The following FAM53C variants were observed in gnomAD, a reference collection of about 807,000 sequenced individuals.
The protein encoded by FAM53C is protein FAM53C.
A neutral mutation model predicts 34.7 loss-of-function variants in FAM53C; 10 were observed. The ratio of observed to expected loss-of-function variants is 0.29; its 90% confidence interval spans 0.18 to 0.49. FAM53C has a LOEUF of 0.49. Ranked by LOEUF, FAM53C falls within the 20% of genes least tolerant of loss-of-function variation. The pLI, the probability that FAM53C is intolerant of heterozygous loss-of-function variation, is 0.99. For missense variants in FAM53C, 442 were observed against 515.3 expected (o/e 0.86, Z 1.38); for synonymous variants, 203 against 203.6 (o/e 1.00, Z 0.03).
chr5:138,337,853 G>A (rs1207166300), upstream of FAM53C: 5 of 730,208 alleles, frequency 6.8e-6, no homozygotes, highest in Admixed American at 1.5e-4. Flanking sequence ...AGCAGAGCAG[G>A]TGAGGGGCAC....
Position 138,346,989 on chromosome 5 carries a change from A to C in FAM53C, c.*30A>C. The C allele has an allele frequency of 6.2e-7, 1 of 1,613,082 alleles. No homozygotes were observed. Among genetic ancestry groups the C allele is most frequent in the Non-Finnish European group, 8.5e-7 (1 of 1,179,678 alleles). ...GAGAGGCTACTTCCTGGGGCCACAC[A>C]GACTGACTCTCTCATGGCTACTAAC... On this transcript the variant is annotated 3_prime_UTR_variant, in exon 5 of 5. Transcript: ENST00000239906.
At chr5:138,338,430 T>C (rs1024710564) in intron 1 of FAM53C, 123 bp downstream of exon 1, 32 of 341,460 alleles carry the variant, frequency 9.4e-5, no homozygotes, top group South Asian at 6.9e-4. Flanking sequence ...GCTGGCCGCC[T>C]CTGCGGGGAG....
chr5:138,341,876 C>T lies in FAM53C; in HGVS notation c.136+10C>T. ...TTCCAGCTTGTGTCTGGTAAGGCAT[C>T]GTGTGTGTTTGTGTACGTGTGTGTA... On this transcript the variant is annotated intron_variant, in intron 3 of 4. Transcript: ENST00000239906. 1.9e-6 allele frequency: 3 copies of T among 1,613,744 alleles called. No homozygotes were observed. The highest frequency in any genetic ancestry group is 1.1e-5 in the South Asian group (1 of 91,066).
Position 138,345,528 on chromosome 5 carries a change from C to T in FAM53C, c.840C>T (p.Ala280=). 1 of 1,614,024 alleles carries T rather than the reference C, an allele frequency of 6.2e-7. No homozygotes were observed. The highest frequency in any genetic ancestry group is 8.5e-7 in the Non-Finnish European group (1 of 1,180,026). The change falls in exon 4 of 5, where the codon GCC becomes GCT. Residue 280 remains alanine (A), a synonymous_variant. Transcript: ENST00000239906. This position sits in a 1 kb window ranked among gnomAD's most constrained non-coding sequence, Gnocchi z 6.3. ...RSRSQPCDLD[A]RKTGVKRRHE... ...GCTCACAGCCTTGTGATCTGGATGC[C>T]CGCAAAACTGGGGTCAAGCGGCGCC...
rs1580853837 is a variant in FAM53C, at chr5:138,341,350, C to G, written c.15C>G (p.Ile5Met). The G allele has an allele frequency of 6.2e-7, 1 of 1,614,016 alleles. No individual in the cohort carries two copies. Among genetic ancestry groups the G allele is most frequent in the Non-Finnish European group, 8.5e-7 (1 of 1,179,886 alleles). Residue 5 changes from isoleucine to methionine, a missense_variant, in exon 2 of 5, where the codon ATC (isoleucine) becomes ATG (methionine). By Grantham distance (10) the Ile-to-Met change is conservative. Coordinates refer to ENST00000239906, the MANE Select transcript of FAM53C (RefSeq NM_016605.3). The part of the protein sequence containing the change: MITL[I>M]TEQLQKQTLD... ...TGGGGAGAATCATGATAACCCTGAT[C>G]ACTGAGCAGCTACAGAAGCAGACTC...
intron 1 of FAM53C, among the ~76,000 whole-genome samples, chr5:138,340,056 TTC>T (rs1264894872): frequency 6.6e-6 from 1 of 152,208 alleles, no homozygotes; most frequent in Non-Finnish European, 1.5e-5. Context: ...ACTTCTGACA[TTC>T]TGAGGCCTTG....
At chr5:138,341,914 T>G (rs1482571125) in intron 3 of FAM53C, 48 bp downstream of exon 3, 6 of 1,572,524 alleles carry the variant, frequency 3.8e-6, no homozygotes, top group Non-Finnish European at 5.3e-6. Context: ...CATTCCTCTC[T>G]CCACACATTT....
rs1761041171 is a variant in FAM53C, at chr5:138,341,813, T to C, written c.83T>C (p.Leu28Ser). Residue 28 changes from leucine (L) to serine (S), a missense_variant, in exon 3 of 5, where the codon TTG becomes TCG. Coordinates refer to ENST00000239906, the MANE Select transcript of FAM53C (RefSeq NM_016605.3). ...KCTRFSISLP[L>S]PDHADISNCG... The stretch of plus-strand genomic sequence containing the variant: ...TGGATATTCTCTCTTTCTTAGCCTT[T>C]GCCTGATCATGCAGACATCTCCAAC... 6.2e-7 allele frequency: 1 copy of C among 1,614,066 alleles called. No individual in the cohort carries two copies. Among genetic ancestry groups the C allele is most frequent in the Admixed American group, 1.7e-5 (1 of 60,014 alleles).
chr5:138,341,587 C>A, intron 2 of FAM53C, 174 bp downstream of exon 2: 1 of 758,468 alleles, frequency 1.3e-6, no homozygotes, highest in Non-Finnish European at 2.2e-6. Context: ...GATTTTTCCA[C>A]CGATAGAGAA....
intron 1 of FAM53C, among the ~76,000 whole-genome samples, chr5:138,339,229 T>A (rs1760943078): frequency 6.6e-6 from 1 of 152,192 alleles, no homozygotes; most frequent in Admixed American, 6.5e-5. Context: ...AAGAGAGGGC[T>A]TCTTACACTT....
rs1423595095 is a variant in FAM53C at position 138,345,002 on chromosome 5, A to G, written c.314A>G (p.Lys105Arg). 7.4e-6 allele frequency: 12 copies of G among 1,613,766 alleles called. No homozygotes were observed. The highest frequency in any genetic ancestry group is 9.3e-6 in the Non-Finnish European group (11 of 1,179,818). ...VLRPEPPDPE[K>R]LPVPPAPPSK... ...AGACCTGAGCCCCCAGATCCAGAGA[A>G]GCTTCCTGTGCCCCCTGCCCCTCCA... is the stretch of plus-strand genomic sequence containing the variant. Residue 105 changes from lysine to arginine, a missense_variant, in exon 4 of 5, where the codon AAG becomes AGG. Lys to Arg is a conservative substitution (Grantham distance 26). Coordinates refer to ENST00000239906, the MANE Select transcript of FAM53C (RefSeq NM_016605.3). The surrounding 1 kb of genome is among the most constrained non-coding windows in gnomAD (Gnocchi z 6.3).
chr5:138,337,917 G>C (rs1002282383), upstream of FAM53C: 1 of 1,273,870 alleles, frequency 7.9e-7, no homozygotes, highest in Admixed American at 2.4e-5. Context: ...CAGTTGGGCC[G>C]TTGGAGGGAG....
intron 2 of FAM53C, 67 bp downstream of exon 2, chr5:138,341,480 A>G: frequency 3.0e-6 from 4 of 1,346,910 alleles, no homozygotes; most frequent in South Asian, 1.2e-5. Flanking sequence ...GATTGTTGCT[A>G]TTACTTTACT....
intron 3 of FAM53C, among the ~76,000 whole-genome samples, chr5:138,344,256 C>G (rs903020126): frequency 3.9e-5 from 6 of 152,212 alleles, no homozygotes; most frequent in African/African-American, 1.4e-4. Context: ...AGGCCTTCCC[C>G]ACCCTGTTTG....
rs767633691 is a variant in FAM53C, at chr5:138,346,992, C to G, written c.*33C>G. 2 of 1,612,496 alleles carry G rather than the reference C, an allele frequency of 1.2e-6. No individual in the cohort carries two copies. The highest frequency in any genetic ancestry group is 8.5e-7 in the Non-Finnish European group (1 of 1,179,464). On this transcript the variant is annotated 3_prime_UTR_variant, in exon 5 of 5. Transcript: ENST00000239906. ...AGGCTACTTCCTGGGGCCACACAGA[C>G]TGACTCTCTCATGGCTACTAACAAG...
chr5:138,342,174 C>T (rs987593069), intron 3 of FAM53C: 2 of 339,300 alleles, frequency 5.9e-6, no homozygotes, highest in Non-Finnish European at 1.1e-5. Flanking sequence ...CTTACTCTCC[C>T]GTTCCCTATC....
At chr5:138,339,214 G>A (rs1429424722) in intron 1 of FAM53C, among the ~76,000 whole-genome samples, 8 of 152,196 alleles carry the variant, frequency 5.3e-5, no homozygotes, top group Non-Finnish European at 1.2e-4. Context: ...GGGAAGGAAG[G>A]CGGCAAGAGA....
intron 3 of FAM53C, among the ~76,000 whole-genome samples, chr5:138,343,329 G>T (rs1761083692): frequency 6.6e-6 from 1 of 151,908 alleles, no homozygotes; most frequent in Admixed American, 6.6e-5. Context: ...GGCCAGCATG[G>T]TGAAACCCCG....
At chr5:138,342,940 C>G (rs938337099) in intron 3 of FAM53C, 1 of 151,196 alleles carries the variant, frequency 6.6e-6, no homozygotes, top group Non-Finnish European at 1.5e-5. Context: ...AGGAGAATCA[C>G]TTGAACCCAG....
Sources: allele counts gnomAD v4.1 joint callset (sites outside exome capture counted in the v4.1 genomes callset), GRCh38; gene constraint gnomAD v4.1.1; non-coding constraint Gnocchi (gnomAD v3.1); transcripts MANE v1.5; gene names NCBI Gene and HGNC (gene_info 2026-07-23, HGNC 2026-07-21).